Variants in GRID1 observed in about 807,000 individuals in gnomAD.
GRID1 encodes glutamate receptor ionotropic, delta-1.
In GRID1, 28 loss-of-function variants were observed where a neutral mutation model predicts 98.0. The ratio of observed to expected loss-of-function variants is 0.29; its 90% CI spans 0.21 to 0.39. The LOEUF is 0.39. GRID1 is among the 10% of genes least tolerant of loss of function. The pLI, the probability that GRID1 is intolerant of heterozygous loss-of-function variation, is 1.00. For synonymous variants in GRID1, 553 were observed against 538.5 expected, an observed-to-expected ratio of 1.03 and a Z score of -0.37; for missense variants, 1,111 against 1,340.5, an observed-to-expected ratio of 0.83 and a Z score of 2.67.
intron 4 of GRID1, among the ~76,000 whole-genome samples, chr10:86,003,315 C>T (rs562647970): frequency 4.8e-4 from 73 of 152,344 alleles, no homozygotes; most frequent in Admixed American, 7.8e-4. Context: ...GCCCTTGGCA[C>T]ATCAGCTGGA....
intron 4 of GRID1, among the ~76,000 whole-genome samples, chr10:85,927,279 GT>G (rs1259256916): frequency 6.6e-6 from 1 of 152,230 alleles, no homozygotes; most frequent in Non-Finnish European, 1.5e-5. Flanking sequence ...CCAATGGACT[GT>G]GAGTTAAATG....
At chr10:86,124,965 T>C (rs1264774203) in intron 4 of GRID1, among the ~76,000 whole-genome samples, 1 of 152,210 alleles carries the variant, frequency 6.6e-6, no homozygotes, top group Non-Finnish European at 1.5e-5. Context: ...GCATCTACTC[T>C]GCATAGCCCT....
chr10:86,245,903 A>T (rs1846718874), intron 2 of GRID1, among the ~76,000 whole-genome samples: 1 of 152,222 alleles, frequency 6.6e-6, no homozygotes, highest in African/African-American at 2.4e-5. Context: ...AGGAACCCTC[A>T]TGGTCCCCAT....
At chr10:86,327,816 G>C (rs191253599) in intron 2 of GRID1, among the ~76,000 whole-genome samples, 4 of 152,164 alleles carry the variant, frequency 2.6e-5, no homozygotes, top group Admixed American at 2.6e-4. Flanking sequence ...TTACCCTGTC[G>C]CTGGGTGTGC....
At chr10:85,947,351 G>A (rs1008002714) in intron 4 of GRID1, among the ~76,000 whole-genome samples, 6 of 152,150 alleles carry the variant, frequency 3.9e-5, no homozygotes, top group African/African-American at 1.4e-4. Flanking sequence ...GTGTGGGGTG[G>A]GGAGAATACT....
At position 85,975,465 on chromosome 10, in the gene GRID1, T is replaced by TA. The variant is rs1440785766; in HGVS notation, c.727-59227dup. 5.9e-5 allele frequency among the ~76,000 whole-genome samples: 9 copies of TA among 152,326 alleles called. No homozygotes were observed. In the East Asian group the frequency reaches 1.7e-3, roughly 29 times the overall value. ...TTTAGGGCCAAGAGGGCGATTGTCC[T>TA]AATTGGATCCTCTACCATACGGGAA... On this transcript the variant is annotated intron_variant, in intron 4 of 15. Transcript: ENST00000327946.
chr10:86,131,524 G>C (rs1487012099), intron 4 of GRID1, among the ~76,000 whole-genome samples: 1 of 152,108 alleles, frequency 6.6e-6, no homozygotes, highest in African/African-American at 2.4e-5. Flanking sequence ...CCATGCTTCA[G>C]GTTCACAGTT....
At chr10:86,344,049 A>C (rs2132111923) in intron 2 of GRID1, among the ~76,000 whole-genome samples, 1 of 152,370 alleles carries the variant, frequency 6.6e-6, no homozygotes, top group East Asian at 1.9e-4. Context: ...ACCACCCAGG[A>C]AGCTCTTAGA....
intron 12 of GRID1, among the ~76,000 whole-genome samples, chr10:85,702,160 C>G (rs1032506410): frequency 6.6e-6 from 1 of 151,988 alleles, no homozygotes; most frequent in East Asian, 1.9e-4. Context: ...TAATTTACTA[C>G]AGCAAGGACT....
intron 2 of GRID1, among the ~76,000 whole-genome samples, chr10:86,344,948 T>C: frequency 6.6e-6 from 1 of 152,222 alleles, no homozygotes; most frequent in East Asian, 1.9e-4. Context: ...AGTGGGCTGG[T>C]GGATAAATGC....
At chr10:85,821,694 G>T (rs1842774405) in intron 8 of GRID1, among the ~76,000 whole-genome samples, 2 of 151,918 alleles carry the variant, frequency 1.3e-5, no homozygotes. Context: ...ATATGTATAT[G>T]TGTATATATC....
chr10:85,743,793 T>C (rs1039878631), intron 8 of GRID1, among the ~76,000 whole-genome samples: 22 of 152,100 alleles, frequency 1.4e-4, no homozygotes, highest in African/African-American at 5.3e-4. Context: ...AAGTAGAAAA[T>C]CTATTTAATA....
chr10:85,905,484 A>G (rs1044118468), intron 5 of GRID1, among the ~76,000 whole-genome samples: 4 of 152,124 alleles, frequency 2.6e-5, no homozygotes, highest in Non-Finnish European at 4.4e-5. Flanking sequence ...AAAAGTATTT[A>G]AGATTATTTT....
intron 2 of GRID1, among the ~76,000 whole-genome samples, chr10:86,240,642 G>A (rs1049180830): frequency 2.2e-4 from 34 of 152,188 alleles, no homozygotes; most frequent in African/African-American, 7.7e-4. Context: ...GCAGATTTTA[G>A]CTCCAGAAGA....
chr10:86,322,358 T>C (rs776099737), intron 2 of GRID1, among the ~76,000 whole-genome samples: 2 of 152,206 alleles, frequency 1.3e-5, no homozygotes, highest in Non-Finnish European at 2.9e-5. Context: ...AGTCCTCAGA[T>C]TGACAGAACC....
chr10:85,739,591 A>G (rs1841920750), intron 8 of GRID1, among the ~76,000 whole-genome samples: 1 of 152,050 alleles, frequency 6.6e-6, no homozygotes, highest in Admixed American at 6.6e-5. Flanking sequence ...ACTCAACTCA[A>G]AACAAAACAA....
chr10:85,614,630 G>C lies in GRID1; in HGVS notation c.2361-983C>G, dbSNP rs538989848. 2.0e-5 allele frequency among the ~76,000 whole-genome samples: 3 copies of C among 151,978 alleles called. No homozygotes were observed. In the South Asian group the frequency reaches 6.2e-4, roughly 31 times the overall value. On this transcript the variant is annotated intron_variant, in intron 14 of 15. Transcript: ENST00000327946. The stretch of plus-strand genomic sequence containing the variant: ...CCATGTGAAAGTCATGTCTGGGGTA[G>C]CACTTAGCACATTTAAGAAGCAGAA...
At chr10:86,347,251 G>A (rs3943884) in intron 2 of GRID1, among the ~76,000 whole-genome samples, 36,405 of 151,986 alleles carry the variant, frequency 0.24, 6,016 homozygotes, top group East Asian at 0.5. Flanking sequence ...CCCCCTTAAC[G>A]TGACAGGCCA....
chr10:86,223,560 G>A (rs1244008261), intron 2 of GRID1, among the ~76,000 whole-genome samples: 1 of 152,244 alleles, frequency 6.6e-6, no homozygotes, highest in African/African-American at 2.4e-5. Flanking sequence ...AACCTCTCAG[G>A]AGATTTGGAG....
Sources: gnomAD v4.1 joint callset for allele counts (sites outside exome capture counted in the v4.1 genomes callset) on GRCh38, gnomAD v4.1.1 for gene constraint, MANE v1.5 for transcripts, NCBI Gene and HGNC (gene_info 2026-07-23, HGNC 2026-07-21) for gene names.